Variants in SLC15A3 observed in about 807,000 individuals in gnomAD.
The protein encoded by SLC15A3 is solute carrier family 15 member 3.
A neutral mutation model predicts 49.2 loss-of-function variants in SLC15A3; 39 were observed. That is an observed-to-expected ratio of 0.79 (90% CI 0.61 to 1.04). The LOEUF (loss-of-function observed/expected upper bound fraction) is 1.04, where lower values mean the gene tolerates loss of function less well. Among genes scored for constraint, SLC15A3 ranks in the 50% least tolerant of loss-of-function variants. The probability of loss-of-function intolerance (pLI) is 0.00; values close to 1 mark genes in which losing one functional copy is unlikely to be tolerated. For missense variants in SLC15A3, 758 were observed against 794.8 expected (o/e 0.95, Z 0.56); for synonymous variants, 339 against 367.0 (o/e 0.92, Z 0.87).
chr11:60,947,500 G>GA (rs1856822974), intron 1 of SLC15A3, among the ~76,000 whole-genome samples: 1 of 152,070 alleles, frequency 6.6e-6, no homozygotes, highest in Admixed American at 6.5e-5. Context: ...TTTATAATCA[G>GA]AAAAAAGCCA....
intron 7 of SLC15A3, 167 bp from the exon 8 acceptor site, chr11:60,937,540 C>G (rs756769221): frequency 1.1e-6 from 1 of 876,584 alleles, no homozygotes; most frequent in Non-Finnish European, 1.8e-6. Context: ...CTGAAGATCT[C>G]CAGGGGTGTC....
chr11:60,946,729 C>T lies in SLC15A3; in HGVS notation c.651G>A (p.Val217=). 2 of 1,614,214 alleles carry T rather than the reference C, an allele frequency of 1.2e-6. No individual in the cohort carries two copies. The highest frequency in any genetic ancestry group is 1.7e-6 in the Non-Finnish European group (2 of 1,180,034). Residue 217 remains valine, a synonymous_variant, in exon 2 of 8, where the codon GTG becomes GTA. Transcript: ENST00000227880. ...AGCTGATGTTCTGCTGAATAAACGC[C>T]ACCACCAGCAGCGACAGCACAGCAC... is the stretch of plus-strand genomic sequence containing the variant. ...NLGAVLSLLV[V]AFIQQNISFL...
rs558973887 is a variant in SLC15A3, at chr11:60,937,144, C to A, written c.*75G>T. On this transcript the variant is annotated 3_prime_UTR_variant, in exon 8 of 8. Transcript: ENST00000227880. ...ACCATTTCATTCTAACAGAATAAACCGAGAAGGAAACCAGAGCTGGGACTG... is the reference window on the plus strand; with the variant it reads ...ACCATTTCATTCTAACAGAATAAACAGAGAAGGAAACCAGAGCTGGGACTG... 1 of 1,545,632 alleles carries A rather than the reference C, an allele frequency of 6.5e-7. No individual in the cohort carries two copies. The highest frequency in any genetic ancestry group is 8.7e-7 in the Non-Finnish European group (1 of 1,145,660).
In SLC15A3 at chr11:60,939,431, G is replaced by A. The variant is rs186355639; in HGVS notation, c.1435+49C>T. On this transcript the variant is annotated intron_variant, in intron 6 of 7. Coordinates refer to ENST00000227880, the MANE Select transcript of SLC15A3 (RefSeq NM_016582.3). ...GGGTACCTGACTTTGAGGTGCCACC[G>A]GGCAGAGCCCATCACTGGTGCAGGA... 2.9e-5 allele frequency: 46 copies of A among 1,603,090 alleles called. No individual in the cohort carries two copies. In the East Asian group the frequency reaches 6.5e-4, roughly 23 times the overall value.
chr11:60,944,091 G>A (rs1282128578), intron 2 of SLC15A3, among the ~76,000 whole-genome samples: 1 of 152,124 alleles, frequency 6.6e-6, no homozygotes, highest in African/African-American at 2.4e-5. Context: ...CCTGGGAGAC[G>A]GATGTTGCAG....
In SLC15A3 at chr11:60,951,025, CG is replaced by C; in HGVS notation, c.526del (p.Arg176GlyfsTer12). The C allele has an allele frequency of 6.7e-7, 1 of 1,494,662 alleles. No individual in the cohort carries two copies. 92.6% of individuals were successfully genotyped at this position (1,494,662 alleles called of 1,614,324 possible). A position where few individuals can be genotyped will look rare whatever the true frequency, so the allele number is the denominator to read the frequency against. On this transcript the variant is annotated frameshift_variant, in exon 1 of 8. Transcript: ENST00000227880. LOFTEE classifies it high-confidence loss of function. ...GGCACCGAAGGAGGTGAGGTTGCTC[CG>C]GACGGAGCTGGCGGCCAGGCCGAGT... ...LLLGLAASSV[R>X]SNLTSFGADQ... is the part of the protein sequence containing the mutation.
At chr11:60,942,935 C>G (rs1049801090) in intron 3 of SLC15A3, 1 of 133,022 alleles carries the variant, frequency 7.5e-6, no homozygotes, top group Non-Finnish European at 1.6e-5. Flanking sequence ...GCCCACCCTC[C>G]TATCACACAC....
At chr11:60,948,859 G>C (rs1300290109) in intron 1 of SLC15A3, among the ~76,000 whole-genome samples, 1 of 152,184 alleles carries the variant, frequency 6.6e-6, no homozygotes, top group Non-Finnish European at 1.5e-5. Context: ...TTTTGCCACA[G>C]GGGGTACTAG....
intron 1 of SLC15A3, among the ~76,000 whole-genome samples, chr11:60,949,567 A>AGAAAGAAG (rs1565130041): frequency 2.0e-5 from 3 of 150,318 alleles, no homozygotes; most frequent in African/African-American, 7.3e-5. Context: ...AAAGAAAGAA[A>AGAAAGAAG]GAAAAGAGAT....
At chr11:60,944,841 A>ACCCTTTG (rs950426073) in intron 2 of SLC15A3, among the ~76,000 whole-genome samples, 1 of 152,022 alleles carries the variant, frequency 6.6e-6, no homozygotes, top group African/African-American at 2.4e-5. Context: ...TGCAGCCTTT[A>ACCCTTTG]CCCTTTGCCC....
intron 2 of SLC15A3, among the ~76,000 whole-genome samples, chr11:60,944,742 C>T (rs1274168242): frequency 6.6e-6 from 1 of 152,146 alleles, no homozygotes. Flanking sequence ...GTCAACATGG[C>T]AACCCTCTCC....
intron 2 of SLC15A3, among the ~76,000 whole-genome samples, chr11:60,945,436 G>C (rs1486449362): frequency 6.6e-6 from 1 of 152,206 alleles, no homozygotes; most frequent in Non-Finnish European, 1.5e-5. Context: ...AACTGGGAGA[G>C]GAGATAAAAA....
rs1651093365 is a variant in SLC15A3, at chr11:60,951,980, C to T, written c.-429G>A. Among the ~76,000 whole-genome samples the T allele has an allele frequency of 6.6e-6, 1 of 151,946 alleles. No individual in the cohort carries two copies. The highest frequency in any genetic ancestry group is 6.5e-5 in the Admixed American group (1 of 15,272). On this transcript the variant is annotated 5_prime_UTR_variant, in exon 1 of 8. Transcript: ENST00000227880. Reference sequence around the variant, plus strand: ...GTTTGTCGCCCCTTCCTGTTGTCCCCTCTCCTTATGACTCCTGGCCTGCCC... The same window carrying T: ...GTTTGTCGCCCCTTCCTGTTGTCCCTTCTCCTTATGACTCCTGGCCTGCCC...
In SLC15A3 at chr11:60,937,852, G is replaced by A. The variant is rs1445670000; in HGVS notation, c.1591+18C>T. 2.2e-5 allele frequency: 36 copies of A among 1,611,240 alleles called. No homozygotes were observed. The Admixed American group carries it at 5.7e-4, about 26-fold the overall frequency. On this transcript the variant is annotated intron_variant, in intron 7 of 7. Transcript: ENST00000227880. ...TCCCTCCATCCATGTCCCACTCCTG[G>A]GGAGGCCCCATACTCACCAAAGTCC... is the stretch of plus-strand genomic sequence containing the variant.
intron 7 of SLC15A3, 35 bp from the exon 8 acceptor site, chr11:60,937,408 A>G: frequency 6.2e-7 from 1 of 1,613,128 alleles, no homozygotes. Context: ...GGGTCAGGAC[A>G]GGGATCCTCT....
chr11:60,938,091 T>C, intron 6 of SLC15A3, 66 bp from the exon 7 acceptor site: 1 of 1,539,694 alleles, frequency 6.5e-7, no homozygotes, highest in Non-Finnish European at 8.8e-7. Flanking sequence ...CCCAGGCCCC[T>C]GCTTGCTGCC....
chr11:60,943,544 T>C, intron 3 of SLC15A3, 145 bp downstream of exon 3: 1 of 842,754 alleles, frequency 1.2e-6, no homozygotes, highest in Non-Finnish European at 1.6e-6. Context: ...CCAGGCCCCA[T>C]GCTAGCTGGT....
At chr11:60,940,945 G>T in intron 5 of SLC15A3, 177 bp downstream of exon 5, 1 of 533,774 alleles carries the variant, frequency 1.9e-6, no homozygotes, top group Non-Finnish European at 3.1e-6. Flanking sequence ...TCAAAATGAG[G>T]GGCAGCTGGA....
chr11:60,951,562 G>A lies in SLC15A3; in HGVS notation c.-11C>T. 1.8e-6 allele frequency: 2 copies of A among 1,134,436 alleles called. No individual in the cohort carries two copies. Among genetic ancestry groups the A allele is most frequent in the Non-Finnish European group, 2.2e-6 (2 of 925,368 alleles). 70.3% of individuals were successfully genotyped at this position (1,134,436 alleles called of 1,614,324 possible). A position where few individuals can be genotyped will look rare whatever the true frequency, so the allele number is the denominator to read the frequency against. ...GCGCGGCGCGGGCATCCTGGCTCCGGGCTGGGCCCCCCGCGGCTCTTCTCT... is the reference window on the plus strand; with the variant it reads ...GCGCGGCGCGGGCATCCTGGCTCCGAGCTGGGCCCCCCGCGGCTCTTCTCT... On this transcript the variant is annotated 5_prime_UTR_variant, in exon 1 of 8. Transcript: ENST00000227880.
Sources: gnomAD v4.1 joint callset for allele counts (sites outside exome capture counted in the v4.1 genomes callset) on GRCh38, gnomAD v4.1.1 for gene constraint, MANE v1.5 for transcripts, NCBI Gene and HGNC (gene_info 2026-07-23, HGNC 2026-07-21) for gene names.